LMO7: variants seen among roughly 807,000 people sequenced by gnomAD.
The protein encoded by LMO7 is LIM domain 7.
In LMO7, 120 loss-of-function variants were observed where a neutral mutation model predicts 206.5. The observed-to-expected ratio is 0.58, with a 90% confidence interval of 0.50 to 0.68. The LOEUF is 0.68. LMO7 is among the 30% of genes least tolerant of loss of function. The pLI is 0.00. For missense variants in LMO7, 1,959 were observed against 1,957.9 expected (o/e 1.00, Z -0.01); for synonymous variants, 706 against 681.5 (o/e 1.04, Z -0.56).
At chr13:75,801,658 G>A (rs938997880) in intron 7 of LMO7, among the ~76,000 whole-genome samples, 1 of 152,086 alleles carries the variant, frequency 6.6e-6, no homozygotes. Context: ...ATTCAGATTT[G>A]ACTAGATTGA....
chr13:75,804,736 A>G, intron 8 of LMO7, 195 bp downstream of exon 8: 7 of 1,013,908 alleles, frequency 6.9e-6, no homozygotes, highest in Non-Finnish European at 9.3e-6. Flanking sequence ...GAATGTCAGC[A>G]TATGATTTGC....
intron 4 of LMO7, among the ~76,000 whole-genome samples, chr13:75,786,484 C>T (rs1277363116): frequency 6.6e-6 from 1 of 151,858 alleles, no homozygotes; most frequent in Non-Finnish European, 1.5e-5. Flanking sequence ...ACGCCACTCT[C>T]CTGCCTCAGC....
At chr13:75,688,701 G>A (rs952752152) in intron 1 of LMO7, 6 of 151,832 alleles carry the variant, frequency 4.0e-5, no homozygotes, top group African/African-American at 1.5e-4. Flanking sequence ...TGACATTTTT[G>A]ACACCAAGCT....
Position 75,737,842 on chromosome 13 carries a change from C to CAAAAA in LMO7, c.210+10762_210+10766dup, listed in dbSNP as rs768622923. Among the ~76,000 whole-genome samples, 121 of 37,714 alleles carry CAAAAA rather than the reference C, an allele frequency of 3.2e-3. 10 individuals carry two copies. Among genetic ancestry groups the CAAAAA allele is most frequent in the African/African-American group, 0.013 (110 of 8,216 alleles). The allele number at this position is 37,714 out of a possible 152,430, so 24.7% of individuals were successfully genotyped here. A position where few individuals can be genotyped will look rare whatever the true frequency, so the allele number is the denominator to read the frequency against. ...TAAATATAGATTCACAGGAAGCTGC[C>CAAAAA]AAAAAAAAAAAAAAAAAAAAAACAC... On this transcript the variant is annotated intron_variant, in intron 3 of 30. Coordinates refer to ENST00000377534, the MANE Select transcript of LMO7 (RefSeq NM_001306080.2).
intron 1 of LMO7, among the ~76,000 whole-genome samples, chr13:75,697,724 C>T (rs2042003595): frequency 6.6e-6 from 1 of 152,174 alleles, no homozygotes. Context: ...ATTCTTCATG[C>T]TTCAACTTTT....
At chr13:75,693,645 C>T (rs1173823274) in intron 1 of LMO7, among the ~76,000 whole-genome samples, 2 of 152,226 alleles carry the variant, frequency 1.3e-5, no homozygotes, top group Non-Finnish European at 2.9e-5. Context: ...TTTCAGACTT[C>T]TCCTCTCCTG....
At chr13:75,743,915 A>AT (rs1462274486) in intron 3 of LMO7, among the ~76,000 whole-genome samples, 1 of 152,154 alleles carries the variant, frequency 6.6e-6, no homozygotes, top group African/African-American at 2.4e-5. Context: ...AATTTAAGTA[A>AT]TTTTTTTGTA....
intron 12 of LMO7, among the ~76,000 whole-genome samples, chr13:75,818,248 A>C (rs1403827283): frequency 6.6e-6 from 1 of 152,210 alleles, no homozygotes; most frequent in East Asian, 1.9e-4. Flanking sequence ...AATTCATGCC[A>C]GTTATGCTAT....
Position 75,824,634 on chromosome 13 carries a change from C to G in LMO7, c.2949+761C>G, listed in dbSNP as rs187291489. Among the ~76,000 whole-genome samples, 45 of 152,236 alleles carry G rather than the reference C, an allele frequency of 3.0e-4. No homozygotes were observed. In the East Asian group the frequency reaches 3.1e-3, roughly 10 times the overall value. On this transcript the variant is annotated intron_variant, in intron 15 of 30. Coordinates refer to ENST00000377534, the MANE Select transcript of LMO7 (RefSeq NM_001306080.2). ...AAAGCATTTGGGGAACAGAAAGTGTCTCTCTCTTAGAAAGATTCTTTCTAA... is the reference window on the plus strand; with the variant it reads ...AAAGCATTTGGGGAACAGAAAGTGTGTCTCTCTTAGAAAGATTCTTTCTAA...
chr13:75,796,717 T>C lies in LMO7; in HGVS notation c.430T>C (p.Phe144Leu). Residue 144 changes from phenylalanine to leucine, a missense_variant, in exon 6 of 31, where the codon TTT becomes CTT. Physicochemically the swap from Phe to Leu is conservative, Grantham distance 22 (BLOSUM62 0). Transcript: ENST00000377534. ...TGGTCCCCATCTTAATTTGAAAGCG[T>C]TTGAGAATCTTTTAGGACAAGCACT... ...YNGPHLNLKA[F>L]ENLLGQALTK... is the part of the protein sequence containing the mutation. The C allele has an allele frequency of 6.2e-7, 1 of 1,612,926 alleles. No homozygotes were observed. The highest frequency in any genetic ancestry group is 1.1e-5 in the South Asian group (1 of 91,044).
At chr13:75,731,651 T>C (rs2138795150) in intron 3 of LMO7, among the ~76,000 whole-genome samples, 1 of 152,254 alleles carries the variant, frequency 6.6e-6, no homozygotes, top group East Asian at 1.9e-4. Flanking sequence ...TATTGTTATG[T>C]GTGAATTTGA....
chr13:75,657,299 G>T (rs2038148816), intron 1 of LMO7, among the ~76,000 whole-genome samples: 1 of 152,216 alleles, frequency 6.6e-6, no homozygotes, highest in African/African-American at 2.4e-5. Flanking sequence ...AAGTCACTGA[G>T]TTGTGGTACT....
intron 26 of LMO7, among the ~76,000 whole-genome samples, chr13:75,847,625 C>A (rs2060105586): frequency 6.6e-6 from 1 of 152,132 alleles, no homozygotes. Context: ...AAGAAAACTC[C>A]CTGTTTCCTT....
chr13:75,644,721 C>T (rs61958091), intron 1 of LMO7, among the ~76,000 whole-genome samples: 1,812 of 152,286 alleles, frequency 0.012, 15 homozygotes, highest in Non-Finnish European at 0.02. Context: ...CTTGAACTCC[C>T]GTGCTCAAGC....
chr13:75,625,914 A>G (rs1458944106), intron 2 of LMO7, among the ~76,000 whole-genome samples: 1 of 152,154 alleles, frequency 6.6e-6, no homozygotes, highest in Non-Finnish European at 1.5e-5. Flanking sequence ...GAAGTACCAG[A>G]CCTGTCTTGG....
chr13:75,820,114 A>C (rs1340962614), intron 13 of LMO7, among the ~76,000 whole-genome samples: 2 of 152,234 alleles, frequency 1.3e-5, no homozygotes, highest in Non-Finnish European at 2.9e-5. Flanking sequence ...GAGAAGGAAA[A>C]TACGCTTTTA....
At chr13:75,632,393 T>C (rs1418877864), upstream of LMO7, among the ~76,000 whole-genome samples, 1 of 152,098 alleles carries the variant, frequency 6.6e-6, no homozygotes, top group Non-Finnish European at 1.5e-5. Context: ...ACATGAAATC[T>C]CCATTTTTTA....
At chr13:75,707,573 C>T (rs1005621553) in intron 1 of LMO7, among the ~76,000 whole-genome samples, 14 of 151,994 alleles carry the variant, frequency 9.2e-5, no homozygotes, top group African/African-American at 3.4e-4. Flanking sequence ...ATTCCTAGAT[C>T]CTGCACCTAG....
chr13:75,725,110 T>C (rs182132516), intron 2 of LMO7, among the ~76,000 whole-genome samples: 17 of 152,274 alleles, frequency 1.1e-4, no homozygotes, highest in African/African-American at 2.9e-4. Context: ...GCTGACCAAA[T>C]TGAGAGTAGG....
Sources: allele counts gnomAD v4.1 joint callset (sites outside exome capture counted in the v4.1 genomes callset), GRCh38; gene constraint gnomAD v4.1.1; transcripts MANE v1.5; gene names NCBI Gene and HGNC (gene_info 2026-07-23, HGNC 2026-07-21).